The following WFDC9 variants were observed in gnomAD, a reference collection of about 807,000 sequenced individuals.
WFDC9 encodes the protein protein WFDC9.
WFDC9 carries 9 observed loss-of-function variants against 9.5 expected under a neutral mutation model. The observed-to-expected ratio is 0.95, with a 90% CI of 0.57 to 1.65. The LOEUF is 1.65. Ranked by LOEUF, WFDC9 falls within the 40% of genes most tolerant of loss-of-function variation. The pLI, the probability that WFDC9 is intolerant of heterozygous loss-of-function variation, is 0.00. For synonymous variants in WFDC9, 33 were observed against 32.3 expected (o/e 1.02, Z -0.07); for missense variants, 87 against 106.7 (o/e 0.82, Z 0.81).
intron 1 of WFDC9, among the ~76,000 whole-genome samples, chr20:45,616,256 C>T (rs1288555091): frequency 1.3e-5 from 2 of 152,230 alleles, no homozygotes; most frequent in Non-Finnish European, 2.9e-5. Flanking sequence ...TTCACAGCAT[C>T]TTCACCAGGA....
At chr20:45,629,772 G>T in intron 1 of WFDC9, 1 of 1,600,330 alleles carries the variant, frequency 6.2e-7, no homozygotes, top group Non-Finnish European at 8.5e-7. Context: ...GGAAGTCTGT[G>T]ACAACCTGGC....
chr20:45,609,207 C>CT (rs61409671), intron 3 of WFDC9, among the ~76,000 whole-genome samples: 4,389 of 143,336 alleles, frequency 0.031, 199 homozygotes, highest in African/African-American at 0.099. Flanking sequence ...TTCCCCTTCT[C>CT]TTTTTTTTTT....
rs756591123 is a variant in WFDC9, at chr20:45,608,672, A to G, written c.230T>C (p.Leu77Ser). 6.2e-7 allele frequency: 1 copy of G among 1,612,708 alleles called. No individual in the cohort carries two copies. The highest frequency in any genetic ancestry group is 1.1e-5 in the South Asian group (1 of 90,760). The change falls in exon 4 of 5, where the codon TTA (leucine) becomes TCA (serine). Residue 77 changes from leucine to serine, a missense_variant. Physicochemically the swap from Leu to Ser is moderately radical, Grantham distance 145 (BLOSUM62 -2). Coordinates refer to ENST00000326000, the MANE Select transcript of WFDC9 (RefSeq NM_147198.4). Reference sequence around the variant, plus strand: ...ACCCCAACCAACTCACTCGTTGTCTAAGCAGATGTTTCCACAGTAGGTCCA... The same window carrying G: ...ACCCCAACCAACTCACTCGTTGTCTGAGCAGATGTTTCCACAGTAGGTCCA... Reference protein sequence around the residue: ...CCWTYCGNICLDNEEPLKSML... With the variant: ...CCWTYCGNICSDNEEPLKSML...
Position 45,612,095 on chromosome 20 carries a change from A to C in WFDC9, c.-58-1856T>G, listed in dbSNP as rs540437907. Among the ~76,000 whole-genome samples the C allele has an allele frequency of 1.3e-3, 194 of 152,192 alleles. 1 individual carries two copies. The highest frequency in any genetic ancestry group is 2.1e-3 in the Non-Finnish European group (143 of 68,028). On this transcript the variant is annotated intron_variant, in intron 2 of 4. Transcript: ENST00000326000. ...ATAGGGTCACTGGGAAGATTAAATAATATGTATGAAACACTAAGCATAGGA... is the reference window on the plus strand; with the variant it reads ...ATAGGGTCACTGGGAAGATTAAATACTATGTATGAAACACTAAGCATAGGA...
At chr20:45,622,382 G>A (rs1271216367) in intron 1 of WFDC9, among the ~76,000 whole-genome samples, 2 of 152,066 alleles carry the variant, frequency 1.3e-5, no homozygotes, top group Admixed American at 1.3e-4. Context: ...TTTCCAGTCT[G>A]AGATCTTTAA....
chr20:45,624,258 G>T (rs1442367593), intron 1 of WFDC9, among the ~76,000 whole-genome samples: 1 of 152,130 alleles, frequency 6.6e-6, no homozygotes, highest in Non-Finnish European at 1.5e-5. Flanking sequence ...AGTACCTGCT[G>T]TTCTACTTTT....
At chr20:45,616,808 A>C (rs2145597780) in intron 1 of WFDC9, among the ~76,000 whole-genome samples, 2 of 152,308 alleles carry the variant, frequency 1.3e-5, no homozygotes, top group South Asian at 4.1e-4. Context: ...TAAAATATTC[A>C]GTATACCATG....
At chr20:45,611,157 T>C (rs1260775130) in intron 2 of WFDC9, among the ~76,000 whole-genome samples, 2 of 152,184 alleles carry the variant, frequency 1.3e-5, no homozygotes, top group Non-Finnish European at 2.9e-5. Context: ...CAGCTCATGA[T>C]AGTATCTATT....
intron 1 of WFDC9, chr20:45,630,726 T>G: frequency 2.2e-6 from 2 of 906,628 alleles, no homozygotes. Context: ...GATTTGGTGA[T>G]GGGCAGGAAG....
intron 1 of WFDC9, among the ~76,000 whole-genome samples, chr20:45,623,276 A>T (rs1982141370): frequency 6.6e-6 from 1 of 152,186 alleles, no homozygotes; most frequent in Non-Finnish European, 1.5e-5. Flanking sequence ...TTTATTTCAG[A>T]TGGCACATCA....
At chr20:45,621,709 G>A (rs1982105132) in intron 1 of WFDC9, among the ~76,000 whole-genome samples, 1 of 152,218 alleles carries the variant, frequency 6.6e-6, no homozygotes, top group South Asian at 2.1e-4. Context: ...TTCCCTGGTA[G>A]ACAACACTTC....
intron 1 of WFDC9, among the ~76,000 whole-genome samples, chr20:45,622,739 C>T (rs1982129346): frequency 6.6e-6 from 1 of 151,726 alleles, no homozygotes; most frequent in Admixed American, 6.6e-5. Context: ...AATATCTACT[C>T]TAATCTATTT....
At chr20:45,612,389 A>G (rs896971383) in intron 2 of WFDC9, among the ~76,000 whole-genome samples, 9 of 152,148 alleles carry the variant, frequency 5.9e-5, no homozygotes, top group African/African-American at 2.2e-4. Context: ...GGGTATTGGA[A>G]TATAGTGGTG....
rs1418864699 is a variant in WFDC9, at chr20:45,610,186, C to T, written c.-5G>A. 2 of 1,613,720 alleles carry T rather than the reference C, an allele frequency of 1.2e-6. No individual in the cohort carries two copies. The highest frequency in any genetic ancestry group is 1.7e-6 in the Non-Finnish European group (2 of 1,179,750). ...TAGAAGAATCCAGGGCTTCATGGTG[C>T]TCTCTGTGTGTATTTGGGTTAAGTT... is the stretch of plus-strand genomic sequence containing the variant. On this transcript the variant is annotated 5_prime_UTR_variant, in exon 3 of 5. Transcript: ENST00000326000.
chr20:45,610,875 C>T (rs1981845790), intron 2 of WFDC9, among the ~76,000 whole-genome samples: 1 of 152,184 alleles, frequency 6.6e-6, no homozygotes. Flanking sequence ...CGGAATGCTG[C>T]CTCCTAATTC....
At chr20:45,631,019 G>A in intron 1 of WFDC9, 184 bp downstream of exon 1, 1 of 1,594,262 alleles carries the variant, frequency 6.3e-7, no homozygotes, top group Non-Finnish European at 8.5e-7. Context: ...CATCCTGTGA[G>A]TGGGAGAGTG....
chr20:45,615,330 T>C (rs16990465), intron 1 of WFDC9, among the ~76,000 whole-genome samples: 2,108 of 152,232 alleles, frequency 0.014, 89 homozygotes, highest in Admixed American at 0.097. Context: ...ACAATACACA[T>C]GATTTGGAGA....
intron 1 of WFDC9, among the ~76,000 whole-genome samples, chr20:45,624,505 G>A (rs774273565): frequency 6.6e-6 from 1 of 152,150 alleles, no homozygotes; most frequent in Non-Finnish European, 1.5e-5. Context: ...CTCGGCTATT[G>A]TGAATAGTGC....
intron 2 of WFDC9, among the ~76,000 whole-genome samples, chr20:45,613,021 TG>T (rs1981895544): frequency 6.6e-6 from 1 of 152,262 alleles, no homozygotes; most frequent in Non-Finnish European, 1.5e-5. Context: ...AAATTTTCAA[TG>T]AAGCAAAAGA....
Sources: allele counts gnomAD v4.1 joint callset (sites outside exome capture counted in the v4.1 genomes callset), GRCh38; gene constraint gnomAD v4.1.1; transcripts MANE v1.5; gene names NCBI Gene and HGNC (gene_info 2026-07-23, HGNC 2026-07-21).